EFNA5: variants seen among roughly 807,000 people sequenced by gnomAD.
EFNA5 encodes the protein ephrin A5, also known as ephrin-A5.
In EFNA5, 5 loss-of-function variants were observed where a neutral mutation model predicts 22.9. That is an observed-to-expected ratio of 0.22 (90% CI 0.11 to 0.46). The LOEUF (loss-of-function observed/expected upper bound fraction) is 0.46, where lower values mean the gene tolerates loss of function less well. Among genes scored for constraint, EFNA5 ranks in the 20% least tolerant of loss-of-function variants. The probability of loss-of-function intolerance (pLI) is 0.99; values close to 1 mark genes in which losing one functional copy is unlikely to be tolerated. For missense variants in EFNA5, 237 were observed against 293.3 expected, an observed-to-expected ratio of 0.81 and a Z score of 1.40; for synonymous variants, 113 against 112.2, an observed-to-expected ratio of 1.01 and a Z score of -0.04.
intron 1 of EFNA5, among the ~76,000 whole-genome samples, chr5:107,469,677 G>A (rs115492595): frequency 1.3e-5 from 2 of 150,448 alleles, no homozygotes; most frequent in African/African-American, 2.4e-5. Context: ...TTTTTACCAC[G>A]CACCCAAGAG....
At chr5:107,406,165 T>C (rs1274686934) in intron 2 of EFNA5, among the ~76,000 whole-genome samples, 3 of 148,652 alleles carry the variant, frequency 2.0e-5, no homozygotes, top group African/African-American at 4.9e-5. Flanking sequence ...ACATATTCTA[T>C]GTATTTATAT....
chr5:107,641,456 T>C (rs770355028), intron 1 of EFNA5, among the ~76,000 whole-genome samples: 3 of 152,164 alleles, frequency 2.0e-5, no homozygotes, highest in Non-Finnish European at 4.4e-5. Context: ...CCAGTGCTTA[T>C]AATTTTCTGA....
rs566311248 is a variant in EFNA5, at chr5:107,632,610, C to T, written c.125+37879G>A. Among the ~76,000 whole-genome samples, 3 of 152,106 alleles carry T rather than the reference C, an allele frequency of 2.0e-5. No individual in the cohort carries two copies. In the South Asian group the frequency reaches 6.2e-4, roughly 32 times the overall value. ...TTTATTATTCTAGTTCAAGAACATC[C>T]TTTCAGTAACCAAGTGCTCCACAAC... On this transcript the variant is annotated intron_variant, in intron 1 of 4. Coordinates refer to ENST00000333274, the MANE Select transcript of EFNA5 (RefSeq NM_001962.3).
chr5:107,502,071 C>A (rs574015879), intron 1 of EFNA5, among the ~76,000 whole-genome samples: 1 of 152,242 alleles, frequency 6.6e-6, no homozygotes, highest in South Asian at 2.1e-4. Context: ...TTAATTACAC[C>A]AACCTGCGGC....
chr5:107,622,981 A>T (rs1206930135), intron 1 of EFNA5, among the ~76,000 whole-genome samples: 7 of 129,832 alleles, frequency 5.4e-5, no homozygotes, highest in African/African-American at 1.5e-4. Flanking sequence ...AGATTGCGCC[A>T]CTGCAGTCCG....
chr5:107,581,145 T>C (rs552187919), intron 1 of EFNA5, among the ~76,000 whole-genome samples: 1 of 152,330 alleles, frequency 6.6e-6, no homozygotes, highest in South Asian at 2.1e-4. Context: ...TCAGATCTAG[T>C]TCCCTCCTCC....
At chr5:107,590,534 A>G (rs988865545) in intron 1 of EFNA5, among the ~76,000 whole-genome samples, 2 of 151,926 alleles carry the variant, frequency 1.3e-5, no homozygotes, top group South Asian at 2.1e-4. Context: ...GACTAAAGGC[A>G]TACACCACTA....
At chr5:107,494,547 A>C (rs574145663) in intron 1 of EFNA5, among the ~76,000 whole-genome samples, 71 of 152,196 alleles carry the variant, frequency 4.7e-4, no homozygotes, top group Non-Finnish European at 8.5e-4. Context: ...CATGGCACCC[A>C]GTCCCATCGA....
chr5:107,625,915 G>A (rs377658521), intron 1 of EFNA5, among the ~76,000 whole-genome samples: 2 of 152,132 alleles, frequency 1.3e-5, no homozygotes, highest in Admixed American at 1.3e-4. Context: ...TTACAATATA[G>A]AAGATTAAGT....
chr5:107,466,335 C>T (rs1749980802), intron 1 of EFNA5, among the ~76,000 whole-genome samples: 1 of 152,044 alleles, frequency 6.6e-6, no homozygotes, highest in South Asian at 2.1e-4. Flanking sequence ...AATACTTCAT[C>T]CTCCCTGCCC....
rs931940641 is a variant in EFNA5 at position 107,474,581 on chromosome 5, G to A, written c.126-47072C>T. ...AACCATGCATCTTTGCATTACGAAC[G>A]AGGAATGGTTTAATTGCAATTCACC... On this transcript the variant is annotated intron_variant, in intron 1 of 4. Coordinates refer to ENST00000333274, the MANE Select transcript of EFNA5 (RefSeq NM_001962.3). 2.6e-5 allele frequency among the ~76,000 whole-genome samples: 4 copies of A among 152,112 alleles called. 1 individual carries two copies. Among genetic ancestry groups the A allele is most frequent in the South Asian group, 4.1e-4 (2 of 4,822 alleles).
chr5:107,495,855 G>C (rs1746963669), intron 1 of EFNA5, among the ~76,000 whole-genome samples: 1 of 152,136 alleles, frequency 6.6e-6, no homozygotes, highest in African/African-American at 2.4e-5. Flanking sequence ...AGTTTGCCTG[G>C]AAGTGGATTC....
intron 1 of EFNA5, among the ~76,000 whole-genome samples, chr5:107,510,964 A>G (rs1296993576): frequency 4.6e-5 from 7 of 151,962 alleles, no homozygotes; most frequent in Non-Finnish European, 4.4e-5. Context: ...AAATGATTAT[A>G]TAATTATTTC....
At chr5:107,451,625 T>C (rs1349366921) in intron 1 of EFNA5, among the ~76,000 whole-genome samples, 1 of 152,056 alleles carries the variant, frequency 6.6e-6, no homozygotes. Context: ...AATGAATAAG[T>C]GAAAACCTAA....
At chr5:107,407,224 C>T (rs1561372973) in intron 2 of EFNA5, among the ~76,000 whole-genome samples, 1 of 152,054 alleles carries the variant, frequency 6.6e-6, no homozygotes, top group African/African-American at 2.4e-5. Flanking sequence ...TCTTGGTGAC[C>T]TTTTTTGCAG....
At chr5:107,482,548 G>A (rs73197037) in intron 1 of EFNA5, among the ~76,000 whole-genome samples, 2,706 of 152,148 alleles carry the variant, frequency 0.018, 63 homozygotes, top group African/African-American at 0.06. Flanking sequence ...AATTAAGGGC[G>A]CATCTGCTGG....
At chr5:107,661,336 T>C (rs1750955643) in intron 1 of EFNA5, among the ~76,000 whole-genome samples, 1 of 152,150 alleles carries the variant, frequency 6.6e-6, no homozygotes, top group Non-Finnish European at 1.5e-5. Flanking sequence ...AAAGAAACAT[T>C]TTCATAAATG....
intron 1 of EFNA5, among the ~76,000 whole-genome samples, chr5:107,504,258 C>T (rs1341586786): frequency 6.6e-6 from 1 of 152,076 alleles, no homozygotes; most frequent in Non-Finnish European, 1.5e-5. Flanking sequence ...CTGACAAGGG[C>T]TAAAATATCT....
intron 1 of EFNA5, among the ~76,000 whole-genome samples, chr5:107,528,220 C>A (rs1346666758): frequency 6.6e-6 from 1 of 152,164 alleles, no homozygotes; most frequent in Admixed American, 6.5e-5. Context: ...CAAGAAAAAA[C>A]CTCCATCTTC....
Sources: allele counts gnomAD v4.1 joint callset (sites outside exome capture counted in the v4.1 genomes callset), GRCh38; gene constraint gnomAD v4.1.1; transcripts MANE v1.5; gene names NCBI Gene and HGNC (gene_info 2026-07-23, HGNC 2026-07-21).